SPOCK2: variants seen among roughly 807,000 people sequenced by gnomAD.
SPOCK2 encodes the protein SPARC (osteonectin), cwcv and kazal like domains proteoglycan 2.
Under a neutral mutation model 60.1 loss-of-function variants are expected in SPOCK2, and 39 were observed. The ratio of observed to expected loss-of-function variants is 0.65; its 90% CI spans 0.50 to 0.85. The LOEUF (loss-of-function observed/expected upper bound fraction) is 0.85. SPOCK2 is among the 40% of genes least tolerant of loss of function. SPOCK2 has a pLI of 0.00. For synonymous variants in SPOCK2, 217 were observed against 231.5 expected (o/e 0.94, Z 0.57); for missense variants, 523 against 567.4 (o/e 0.92, Z 0.80).
chr10:72,072,419 C>T (rs905886281), intron 3 of SPOCK2, 84 bp downstream of exon 3: 5 of 1,588,870 alleles, frequency 3.1e-6, no homozygotes, highest in Non-Finnish European at 4.3e-6. Flanking sequence ...CTCAAGGAGC[C>T]CCCAAGCGGG....
chr10:72,066,099 C>G (rs928814142), intron 8 of SPOCK2, among the ~76,000 whole-genome samples: 7 of 152,174 alleles, frequency 4.6e-5, no homozygotes, highest in African/African-American at 1.7e-4. Flanking sequence ...TCCGAGATGA[C>G]TCTGGTTTGA....
Position 72,088,320 on chromosome 10 carries a change from G to GGC in SPOCK2, c.7_8dup (p.Gly5ArgfsTer90). On this transcript the variant is annotated frameshift_variant, in exon 1 of 11. Transcript: ENST00000373109. LOFTEE classifies it high-confidence loss of function. ...GCAGCACCAGCCGCCCGCAGCCCGG[G>GGC]GCGCGCATCGTGGTCTGGGTTCGAC... The GGC allele has an allele frequency of 6.3e-7, 1 of 1,578,258 alleles. No individual in the cohort carries two copies. Among genetic ancestry groups the GGC allele is most frequent in the South Asian group, 1.1e-5 (1 of 88,012 alleles).
Position 72,087,884 on chromosome 10 carries a change from G to A in SPOCK2, c.189+256C>T, listed in dbSNP as rs2085609593. 6.6e-6 allele frequency among the ~76,000 whole-genome samples: 1 copy of A among 151,798 alleles called. No individual in the cohort carries two copies. Among genetic ancestry groups the A allele is most frequent in the African/African-American group, 2.4e-5 (1 of 41,356 alleles). ...GCCCGCAGGGGAGACCCCGGAGCGCGCGACCCCGGAGCGTCGGGCAGGTGT... is the reference window on the plus strand; with the variant it reads ...GCCCGCAGGGGAGACCCCGGAGCGCACGACCCCGGAGCGTCGGGCAGGTGT... On this transcript the variant is annotated intron_variant, in intron 1 of 10. Transcript: ENST00000373109. This position sits in a 1 kb window ranked among gnomAD's most constrained non-coding sequence, Gnocchi z 4.7.
rs1371530537 is a variant in SPOCK2 at position 72,062,883 on chromosome 10, C to A, written c.1152G>T (p.Gly384=). 1.9e-6 allele frequency: 3 copies of A among 1,599,392 alleles called. No homozygotes were observed. Among genetic ancestry groups the A allele is most frequent in the Non-Finnish European group, 2.6e-6 (3 of 1,174,966 alleles). Residue 384 remains glycine (G), a synonymous_variant, in exon 11 of 11, where the codon GGG becomes GGT. Coordinates refer to ENST00000373109, the MANE Select transcript of SPOCK2 (RefSeq NM_001244950.2). This position sits in a 1 kb window ranked among gnomAD's most constrained non-coding sequence, Gnocchi z 4.3. ...PDCDDIVGFS[G]DFGSGVGWED... ...CCCAGCCGACACCGCTTCCAAAGTC[C>A]CCCGAGAAGCCCACGATGTCATCTG...
In SPOCK2 at chr10:72,062,416, G is replaced by A. The variant is rs1395449566; in HGVS notation, c.*344C>T. 1 of 300,978 alleles carries A rather than the reference G, an allele frequency of 3.3e-6. No individual in the cohort carries two copies. The highest frequency in any genetic ancestry group is 6.1e-6 in the Non-Finnish European group (1 of 164,092). 18.6% of individuals were successfully genotyped at this position (300,978 alleles called of 1,614,324 possible). On this transcript the variant is annotated 3_prime_UTR_variant, in exon 11 of 11. Transcript: ENST00000373109. This position sits in a 1 kb window ranked among gnomAD's most constrained non-coding sequence, Gnocchi z 4.3. The stretch of plus-strand genomic sequence containing the variant: ...GACCTGTCAATTTGTATTTGTGTGT[G>A]AATGTATTTTAAAACCAACAACAAA...
intron 1 of SPOCK2, among the ~76,000 whole-genome samples, chr10:72,080,274 A>G (rs560186289): frequency 6.6e-6 from 1 of 152,326 alleles, no homozygotes; most frequent in Admixed American, 6.5e-5. Context: ...TCATTTTTTA[A>G]TAGATCAAGA....
intron 5 of SPOCK2, among the ~76,000 whole-genome samples, chr10:72,069,028 G>A (rs1164535323): frequency 1.3e-5 from 2 of 152,184 alleles, no homozygotes; most frequent in African/African-American, 2.4e-5. Flanking sequence ...GCCATGAGCC[G>A]GGATGAAAGC....
chr10:72,085,258 C>T (rs1441370493), intron 1 of SPOCK2, among the ~76,000 whole-genome samples: 2 of 152,170 alleles, frequency 1.3e-5, no homozygotes, highest in African/African-American at 2.4e-5. Context: ...GGGAGCCAGG[C>T]GGAGTCCACA....
intron 1 of SPOCK2, among the ~76,000 whole-genome samples, chr10:72,081,771 G>C (rs1385248180): frequency 6.6e-6 from 1 of 152,162 alleles, no homozygotes; most frequent in Non-Finnish European, 1.5e-5. Flanking sequence ...CCAACCTTTT[G>C]GGGTTCCGGA....
rs558332390 is a variant in SPOCK2 at position 72,062,692 on chromosome 10, C to T, written c.*68G>A. On this transcript the variant is annotated 3_prime_UTR_variant, in exon 11 of 11. Transcript: ENST00000373109. This position sits in a 1 kb window ranked among gnomAD's most constrained non-coding sequence, Gnocchi z 4.3. ...CTGACTGCATTTCTGGATCCGTTCT[C>T]GAAGTTGCCTGCTGCTGCTCAGAGC... 7 of 1,542,278 alleles carry T rather than the reference C, an allele frequency of 4.5e-6. No individual in the cohort carries two copies. In the South Asian group the frequency reaches 8.4e-5, roughly 19 times the overall value.
Position 72,088,277 on chromosome 10 carries a change from C to CG in SPOCK2, c.51dup (p.Ala18ArgfsTer51). 1 of 1,604,034 alleles carries CG rather than the reference C, an allele frequency of 6.2e-7. No homozygotes were observed. The highest frequency in any genetic ancestry group is 8.5e-7 in the Non-Finnish European group (1 of 1,176,438). On this transcript the variant is annotated frameshift_variant, in exon 1 of 11. Transcript: ENST00000373109. LOFTEE classifies it high-confidence loss of function. Reference sequence around the variant, plus strand: ...GCGTCGCCTTCGGCCAGGGCTGCCGCGGCCAGGAGCAGCAGCGGCAGCACC... The same window carrying CG: ...GCGTCGCCTTCGGCCAGGGCTGCCGCGGGCCAGGAGCAGCAGCGGCAGCACC...
chr10:72,077,872 C>G (rs1354847120), intron 1 of SPOCK2, among the ~76,000 whole-genome samples: 2 of 152,178 alleles, frequency 1.3e-5, no homozygotes, highest in Non-Finnish European at 2.9e-5. Context: ...TGCCCTACAC[C>G]CACCGGCCAG....
In SPOCK2 at chr10:72,087,081, GC is replaced by G; in HGVS notation, c.189+1058del. On this transcript the variant is annotated intron_variant, in intron 1 of 10. Coordinates refer to ENST00000373109, the MANE Select transcript of SPOCK2 (RefSeq NM_001244950.2). The surrounding 1 kb of genome is among the most constrained non-coding windows in gnomAD (Gnocchi z 4.7). ...AGCACCAGGTCGCCAGGAGCAGCCG[GC>G]GTCGCCTCTGGCGCATCCGGGCCCA... is the stretch of plus-strand genomic sequence containing the variant. The G allele has an allele frequency of 6.9e-7, 1 of 1,439,692 alleles. No individual in the cohort carries two copies. The highest frequency in any genetic ancestry group is 9.3e-7 in the Non-Finnish European group (1 of 1,073,220). The allele number at this position is 1,439,692 out of a possible 1,614,324, so 89.2% of individuals were successfully genotyped here. A position where few individuals can be genotyped will look rare whatever the true frequency, so the allele number is the denominator to read the frequency against.
Position 72,062,709 on chromosome 10 carries a change from G to A in SPOCK2, c.*51C>T, listed in dbSNP as rs764184148. ...TCCGTTCTCGAAGTTGCCTGCTGCT[G>A]CTCAGAGCTCTGCTGTTGAGTCCCC... On this transcript the variant is annotated 3_prime_UTR_variant, in exon 11 of 11. Transcript: ENST00000373109. The surrounding 1 kb of genome is among the most constrained non-coding windows in gnomAD (Gnocchi z 4.3). 3 of 1,562,598 alleles carry A rather than the reference G, an allele frequency of 1.9e-6. No individual in the cohort carries two copies. The Admixed American group carries it at 6.0e-5, about 31-fold the overall frequency.
In SPOCK2 at chr10:72,087,183, G is replaced by A. The variant is rs1564552413; in HGVS notation, c.189+957C>T. Among the ~76,000 whole-genome samples, 1 of 150,918 alleles carries A rather than the reference G, an allele frequency of 6.6e-6. No individual in the cohort carries two copies. The highest frequency in any genetic ancestry group is 1.5e-5 in the Non-Finnish European group (1 of 67,698). On this transcript the variant is annotated intron_variant, in intron 1 of 10. Coordinates refer to ENST00000373109, the MANE Select transcript of SPOCK2 (RefSeq NM_001244950.2). The surrounding 1 kb of genome is among the most constrained non-coding windows in gnomAD (Gnocchi z 4.7). The stretch of plus-strand genomic sequence containing the variant: ...GCCCTGCCTCACCCCTGCTTCCCCA[G>A]CCCCCAACCCGGCCCGGCCGAGAGG...
At position 72,084,426 on chromosome 10, in the gene SPOCK2, G is replaced by A. The variant is rs58142526; in HGVS notation, c.189+3714C>T. 3.5e-3 allele frequency among the ~76,000 whole-genome samples: 528 copies of A among 152,286 alleles called. 3 individuals are homozygous for A. Among genetic ancestry groups the A allele is most frequent in the African/African-American group, 0.012 (503 of 41,552 alleles). ...GAGCTGTCCCAGCACACTGCACCCC[G>A]GCCCCTCCTGGGTGGAGAGCTGCCT... On this transcript the variant is annotated intron_variant, in intron 1 of 10. Coordinates refer to ENST00000373109, the MANE Select transcript of SPOCK2 (RefSeq NM_001244950.2).
At position 72,063,011 on chromosome 10, in the gene SPOCK2, T is replaced by G. The variant is rs771135602; in HGVS notation, c.1129+14A>C. ...CCTGGGCCCCCAGCAGGCCCTGAGC[T>G]GCCCAGCCCGTACCGCAGTCGGGGC... On this transcript the variant is annotated intron_variant, in intron 10 of 10. Transcript: ENST00000373109. 12 of 1,562,930 alleles carry G rather than the reference T, an allele frequency of 7.7e-6. No individual in the cohort carries two copies. The highest frequency in any genetic ancestry group is 1.0e-5 in the Non-Finnish European group (12 of 1,154,246).
intron 8 of SPOCK2, 122 bp from the exon 9 acceptor site, chr10:72,064,362 C>A: frequency 3.7e-6 from 4 of 1,085,958 alleles, no homozygotes; most frequent in Non-Finnish European, 3.8e-6. Flanking sequence ...CCGTTTCTGA[C>A]ACGGGGTCAC....
At chr10:72,076,673 A>G (rs1417198573) in intron 1 of SPOCK2, among the ~76,000 whole-genome samples, 1 of 151,906 alleles carries the variant, frequency 6.6e-6, no homozygotes, top group African/African-American at 2.4e-5. Context: ...CCTGCCTTAG[A>G]CTCCTACAGT....
Sources: allele counts gnomAD v4.1 joint callset (sites outside exome capture counted in the v4.1 genomes callset), GRCh38; gene constraint gnomAD v4.1.1; non-coding constraint Gnocchi (gnomAD v3.1); transcripts MANE v1.5; gene names NCBI Gene and HGNC (gene_info 2026-07-23, HGNC 2026-07-21).